OR2F1: variants seen among roughly 807,000 people sequenced by gnomAD.
The protein encoded by OR2F1 is olfactory receptor family 2 subfamily F member 1.
For synonymous variants in OR2F1, 146 were observed against 155.3 expected (o/e 0.94, Z 0.44); for missense variants, 389 against 378.2 (o/e 1.03, Z -0.24).
chr7:143,958,371 G>A lies in OR2F1; in HGVS notation c.-179-582G>A, dbSNP rs1256547893. ...TTAGAAAAGCACCCTGAGGGGTGCT[G>A]GTGGGAGCATCAGGACAGAGCAGTA... is the stretch of plus-strand genomic sequence containing the variant. On this transcript the variant is annotated intron_variant, in intron 1 of 2. Transcript: ENST00000641412. 2.0e-5 allele frequency among the ~76,000 whole-genome samples: 3 copies of A among 152,162 alleles called. No individual in the cohort carries two copies. In the East Asian group the frequency reaches 5.8e-4, roughly 29 times the overall value.
chr7:143,957,487 G>T (rs1270613741), intron 1 of OR2F1, among the ~76,000 whole-genome samples: 1 of 152,118 alleles, frequency 6.6e-6, no homozygotes, highest in African/African-American at 2.4e-5. Context: ...TAAATATTAG[G>T]AAATAAATCC....
At chr7:143,957,180 G>A (rs1217034043) in intron 1 of OR2F1, among the ~76,000 whole-genome samples, 1 of 152,152 alleles carries the variant, frequency 6.6e-6, no homozygotes, top group Non-Finnish European at 1.5e-5. Context: ...AAAAACTGTA[G>A]AAGTTGAGTA....
chr7:143,963,618 C>T lies in OR2F1; in HGVS notation c.*2694C>T, dbSNP rs926497869. ...GAAGCCAGTTGGAGTTCCAAAACCT[C>T]AAAAGTAGGGAAGCCAACAGTGCAG... is the stretch of plus-strand genomic sequence containing the variant. On this transcript the variant is annotated 3_prime_UTR_variant, in exon 3 of 3. Coordinates refer to ENST00000641412, the MANE Select transcript of OR2F1 (RefSeq NM_012369.3). 7.8e-5 allele frequency: 12 copies of T among 152,980 alleles called. No individual in the cohort carries two copies. Among genetic ancestry groups the T allele is most frequent in the African/African-American group, 2.6e-4 (11 of 41,544 alleles). 9.5% of individuals were successfully genotyped at this position (152,980 alleles called of 1,614,324 possible). A position where few individuals can be genotyped will look rare whatever the true frequency, so the allele number is the denominator to read the frequency against.
intron 1 of OR2F1, among the ~76,000 whole-genome samples, chr7:143,958,680 A>G (rs1170725842): frequency 2.6e-5 from 4 of 151,968 alleles, no homozygotes; most frequent in East Asian, 3.9e-4. Context: ...AGAGGCAGAC[A>G]TGGAATAAGA....
rs2050337299 is a variant in OR2F1, at chr7:143,962,513, C to T, written c.*1589C>T. ...GGTAAGTGTTACAGTGAAGGGGAGC[C>T]CACTGGAAATGATTGCAGAAGGCTT... On this transcript the variant is annotated 3_prime_UTR_variant, in exon 3 of 3. Transcript: ENST00000641412. 6.6e-6 allele frequency: 1 copy of T among 151,994 alleles called. No homozygotes were observed. The highest frequency in any genetic ancestry group is 2.1e-4 in the South Asian group (1 of 4,810). 9.4% of individuals were successfully genotyped at this position (151,994 alleles called of 1,614,324 possible). A position where few individuals can be genotyped will look rare whatever the true frequency, so the allele number is the denominator to read the frequency against.
chr7:143,957,335 T>C (rs1268247213), intron 1 of OR2F1, among the ~76,000 whole-genome samples: 1 of 152,082 alleles, frequency 6.6e-6, no homozygotes, highest in African/African-American at 2.4e-5. Context: ...AAGGAACAAA[T>C]AGGTAACATT....
At chr7:143,958,242 A>T (rs1390881251) in intron 1 of OR2F1, among the ~76,000 whole-genome samples, 1 of 152,212 alleles carries the variant, frequency 6.6e-6, no homozygotes, top group Non-Finnish European at 1.5e-5. Flanking sequence ...CTAGTCAACA[A>T]TAGTTGACAG....
Position 143,961,055 on chromosome 7 carries a change from G to C in OR2F1, c.*131G>C. On this transcript the variant is annotated 3_prime_UTR_variant, in exon 3 of 3. Transcript: ENST00000641412. ...CGTAGCATGTACTGTGGATGTTATGGAGGAGGGGGAGTGGTTCAATTGGAT... is the reference window on the plus strand; with the variant it reads ...CGTAGCATGTACTGTGGATGTTATGCAGGAGGGGGAGTGGTTCAATTGGAT... The C allele has an allele frequency of 1.5e-6, 1 of 686,928 alleles. No individual in the cohort carries two copies. The highest frequency in any genetic ancestry group is 2.0e-5 in the South Asian group (1 of 50,868). 42.6% of individuals were successfully genotyped at this position (686,928 alleles called of 1,614,324 possible). A position where few individuals can be genotyped will look rare whatever the true frequency, so the allele number is the denominator to read the frequency against.
At position 143,959,930 on chromosome 7, in the gene OR2F1, T is replaced by TAA; in HGVS notation, c.-23-18_-23-17insAA. On this transcript the variant is annotated splice_polypyrimidine_tract_variant and intron_variant, in intron 2 of 2. Coordinates refer to ENST00000641412, the MANE Select transcript of OR2F1 (RefSeq NM_012369.3). ...TAGTTATTCAACAGCTTCTGTTTTT[T>TAA]TCTGACTCCCTTCACAGATTAATAA... 1.4e-6 allele frequency: 2 copies of TAA among 1,464,058 alleles called. No individual in the cohort carries two copies. Among genetic ancestry groups the TAA allele is most frequent in the Non-Finnish European group, 1.9e-6 (2 of 1,076,076 alleles). The allele number at this position is 1,464,058 out of a possible 1,614,324, so 90.7% of individuals were successfully genotyped here. A position where few individuals can be genotyped will look rare whatever the true frequency, so the allele number is the denominator to read the frequency against.
chr7:143,962,369 T>C lies in OR2F1; in HGVS notation c.*1445T>C, dbSNP rs189200084. On this transcript the variant is annotated 3_prime_UTR_variant, in exon 3 of 3. Coordinates refer to ENST00000641412, the MANE Select transcript of OR2F1 (RefSeq NM_012369.3). ...TTTTAAGTATTATCAGTGGAGTATC[T>C]ATTCTGTGTCAGTGTCAATAAATGG... The C allele has an allele frequency of 2.0e-5, 3 of 152,388 alleles. No individual in the cohort carries two copies. Among genetic ancestry groups the C allele is most frequent in the Admixed American group, 6.5e-5 (1 of 15,304 alleles). 9.4% of individuals were successfully genotyped at this position (152,388 alleles called of 1,614,324 possible).
Position 143,961,066 on chromosome 7 carries a change from G to T in OR2F1, c.*142G>T. ...CTGTGGATGTTATGGAGGAGGGGGA[G>T]TGGTTCAATTGGATGGGGTGTGGGA... On this transcript the variant is annotated 3_prime_UTR_variant, in exon 3 of 3. Coordinates refer to ENST00000641412, the MANE Select transcript of OR2F1 (RefSeq NM_012369.3). 1 of 663,194 alleles carries T rather than the reference G, an allele frequency of 1.5e-6. No homozygotes were observed. The highest frequency in any genetic ancestry group is 2.6e-6 in the Non-Finnish European group (1 of 381,854). The allele number at this position is 663,194 out of a possible 1,614,324, so 41.1% of individuals were successfully genotyped here. A position where few individuals can be genotyped will look rare whatever the true frequency, so the allele number is the denominator to read the frequency against.
intron 1 of OR2F1, among the ~76,000 whole-genome samples, chr7:143,957,607 A>G (rs2050294397): frequency 6.6e-6 from 1 of 152,124 alleles, no homozygotes; most frequent in Non-Finnish European, 1.5e-5. Flanking sequence ...TTTTATAATG[A>G]GGGAGAAGGA....
At chr7:143,958,045 T>A (rs1350523145) in intron 1 of OR2F1, among the ~76,000 whole-genome samples, 1 of 152,094 alleles carries the variant, frequency 6.6e-6, no homozygotes, top group Non-Finnish European at 1.5e-5. Context: ...TTGCAGGGTC[T>A]CCAGTGCGGC....
rs181521522 is a variant in OR2F1, at chr7:143,962,490, T to C, written c.*1566T>C. On this transcript the variant is annotated 3_prime_UTR_variant, in exon 3 of 3. Coordinates refer to ENST00000641412, the MANE Select transcript of OR2F1 (RefSeq NM_012369.3). ...ATGAAACAATGATAATGCATTGTGG[T>C]AAGTGTTACAGTGAAGGGGAGCCCA... is the stretch of plus-strand genomic sequence containing the variant. 1.4e-4 allele frequency: 21 copies of C among 152,270 alleles called. No homozygotes were observed. The highest frequency in any genetic ancestry group is 9.8e-4 in the Admixed American group (15 of 15,296). 9.4% of individuals were successfully genotyped at this position (152,270 alleles called of 1,614,324 possible).
rs756537184 is a variant in OR2F1 at position 143,960,016 on chromosome 7, G to A, written c.46G>A (p.Gly16Ser). Residue 16 changes from glycine to serine, a missense_variant, in exon 3 of 3, where the codon GGC becomes AGC. By Grantham distance (56) the Gly-to-Ser change is moderately conservative. Transcript: ENST00000641412. ...QTWVSEFILL[G>S]LSSDWDTRVS... ...TTGGGTGAGTGAATTTATTCTCCTCGGCCTGTCCAGTGACTGGGACACTCG... is the reference window on the plus strand; with the variant it reads ...TTGGGTGAGTGAATTTATTCTCCTCAGCCTGTCCAGTGACTGGGACACTCG... 14 of 1,613,468 alleles carry A rather than the reference G, an allele frequency of 8.7e-6. No homozygotes were observed. The highest frequency in any genetic ancestry group is 6.7e-5 in the East Asian group (3 of 44,862).
rs904939270 is a variant in OR2F1, at chr7:143,962,952, G to A, written c.*2028G>A. On this transcript the variant is annotated 3_prime_UTR_variant, in exon 3 of 3. Coordinates refer to ENST00000641412, the MANE Select transcript of OR2F1 (RefSeq NM_012369.3). ...CTTCAGTAATACTCTTGAGACATTC[G>A]AGACATCTGAATTAAGTTAGATGCA... The A allele has an allele frequency of 3.9e-5, 6 of 152,160 alleles. No individual in the cohort carries two copies. Among genetic ancestry groups the A allele is most frequent in the African/African-American group, 9.7e-5 (4 of 41,426 alleles). 9.4% of individuals were successfully genotyped at this position (152,160 alleles called of 1,614,324 possible). A position where few individuals can be genotyped will look rare whatever the true frequency, so the allele number is the denominator to read the frequency against.
rs561958101 is a variant in OR2F1 at position 143,960,090 on chromosome 7, G to A, written c.120G>A (p.Leu40=). The change falls in exon 3 of 3, where the codon CTG becomes CTA. Residue 40 remains leucine (L), a synonymous_variant. Transcript: ENST00000641412. The part of the protein sequence containing the change: ...LFLVMYVVTV[L]GNCLIVLLIR... Reference sequence around the variant, plus strand: ...TGGTCATGTATGTGGTGACCGTGCTGGGGAACTGTCTCATTGTCCTTCTGA... The same window carrying A: ...TGGTCATGTATGTGGTGACCGTGCTAGGGAACTGTCTCATTGTCCTTCTGA... 2 of 1,614,120 alleles carry A rather than the reference G, an allele frequency of 1.2e-6. No individual in the cohort carries two copies. The highest frequency in any genetic ancestry group is 2.2e-5 in the South Asian group (2 of 91,074).
In OR2F1 at chr7:143,960,290, T is replaced by G. The variant is rs1562996561; in HGVS notation, c.320T>G (p.Leu107Trp). ...GCCCAGTTATTTTTCTCCCTGGCCT[T>G]GGGTGGGATTGAGTTTGTTCTCCTG... ...CAAQLFFSLA[L>W]GGIEFVLLAV... The change falls in exon 3 of 3, where the codon TTG becomes TGG. Residue 107 changes from leucine (L) to tryptophan (W), a missense_variant. Coordinates refer to ENST00000641412, the MANE Select transcript of OR2F1 (RefSeq NM_012369.3). 6.2e-7 allele frequency: 1 copy of G among 1,614,134 alleles called. No individual in the cohort carries two copies. Among genetic ancestry groups the G allele is most frequent in the African/African-American group, 1.3e-5 (1 of 75,026 alleles).
At position 143,960,747 on chromosome 7, in the gene OR2F1, C is replaced by T. The variant is rs2050322291; in HGVS notation, c.777C>T (p.Tyr259=). 1 of 1,614,080 alleles carries T rather than the reference C, an allele frequency of 6.2e-7. No individual in the cohort carries two copies. Among genetic ancestry groups the T allele is most frequent in the Non-Finnish European group, 8.5e-7 (1 of 1,180,050 alleles). Residue 259 remains tyrosine, a synonymous_variant, in exon 3 of 3, where the codon TAC becomes TAT. Coordinates refer to ENST00000641412, the MANE Select transcript of OR2F1 (RefSeq NM_012369.3). The part of the protein sequence containing the change: ...ALCYGVAIFT[Y]IQPHSSPSVL... ...GCTATGGTGTGGCCATTTTCACTTA[C>T]ATCCAGCCCCACTCCAGTCCCTCTG...
Sources: allele counts gnomAD v4.1 joint callset (sites outside exome capture counted in the v4.1 genomes callset), GRCh38; gene constraint gnomAD v4.1.1; transcripts MANE v1.5; gene names NCBI Gene and HGNC (gene_info 2026-07-23, HGNC 2026-07-21).